ANO3: variants seen among roughly 807,000 people sequenced by gnomAD.
ANO3 encodes the protein anoctamin-3.
ANO3 carries 99 observed loss-of-function variants against 144.8 expected under a neutral mutation model. That is an observed-to-expected ratio of 0.68 (90% CI 0.58 to 0.81). The LOEUF (loss-of-function observed/expected upper bound fraction) is 0.81. Among genes scored for constraint, ANO3 ranks in the 30% least tolerant of loss-of-function variants. ANO3 has a pLI of 0.00. For missense variants in ANO3, 905 were observed against 1,202.2 expected, an observed-to-expected ratio of 0.75 and a Z score of 3.66; for synonymous variants, 414 against 392.6, an observed-to-expected ratio of 1.05 and a Z score of -0.64.
intron 1 of ANO3, among the ~76,000 whole-genome samples, chr11:26,260,802 G>C (rs76327802): frequency 0.02 from 3,015 of 152,164 alleles, 63 homozygotes; most frequent in East Asian, 0.12. Flanking sequence ...TTAATGCATA[G>C]AACGTACAGA....
At chr11:26,580,278 A>C (rs1345459419) in intron 14 of ANO3, among the ~76,000 whole-genome samples, 1 of 152,136 alleles carries the variant, frequency 6.6e-6, no homozygotes, top group Non-Finnish European at 1.5e-5. Context: ...GGAATATAAA[A>C]GTAATTCAGT....
intron 3 of ANO3, among the ~76,000 whole-genome samples, chr11:26,460,439 G>A (rs1440082252): frequency 4.4e-5 from 3 of 68,332 alleles, no homozygotes; most frequent in Non-Finnish European, 7.0e-5. Context: ...GCGGGCGGGT[G>A]GAAGGAAAGA....
chr11:26,476,551 C>G (rs550976573), intron 4 of ANO3, among the ~76,000 whole-genome samples: 1 of 152,080 alleles, frequency 6.6e-6, no homozygotes, highest in East Asian at 1.9e-4. Context: ...CACAATGCTG[C>G]AGGGGTCTAT....
chr11:26,482,046 C>A (rs1860238630), intron 4 of ANO3, among the ~76,000 whole-genome samples: 1 of 151,830 alleles, frequency 6.6e-6, no homozygotes, highest in South Asian at 2.1e-4. Flanking sequence ...GCACATGCTA[C>A]CATGCCTTGC....
intron 1 of ANO3, among the ~76,000 whole-genome samples, chr11:26,354,415 C>G (rs1855723967): frequency 6.6e-6 from 1 of 152,104 alleles, no homozygotes; most frequent in Non-Finnish European, 1.5e-5. Context: ...ATTCTTTTCT[C>G]CAAGCACATC....
At chr11:26,370,226 T>G (rs538774003) in intron 1 of ANO3, among the ~76,000 whole-genome samples, 5 of 152,192 alleles carry the variant, frequency 3.3e-5, no homozygotes, top group Non-Finnish European at 7.3e-5. Context: ...ATAGTAAGTT[T>G]TAATGAGATC....
At chr11:26,615,834 C>T (rs1852244050) in intron 17 of ANO3, among the ~76,000 whole-genome samples, 1 of 152,054 alleles carries the variant, frequency 6.6e-6, no homozygotes, top group South Asian at 2.1e-4. Context: ...TTTGATCGTC[C>T]TAAATTCTTT....
rs555329510 is a variant in ANO3, at chr11:26,402,002, C to A, written c.47-39916C>A. ...CATTCTTTTTATGGTTACATAGTAT[C>A]CCATGGTGTATATGTAATGCATTTT... is the stretch of plus-strand genomic sequence containing the variant. On this transcript the variant is annotated intron_variant, in intron 1 of 26. Transcript: ENST00000256737. Among the ~76,000 whole-genome samples the A allele has an allele frequency of 2.0e-5, 3 of 152,056 alleles. No homozygotes were observed. In the East Asian group the frequency reaches 5.8e-4, roughly 29 times the overall value.
At chr11:26,634,080 C>CAAAAAA (rs10631901) in intron 18 of ANO3, 124 bp from the exon 19 acceptor site, 671 of 358,888 alleles carry the variant, frequency 1.9e-3, no homozygotes, top group Non-Finnish European at 2.5e-3. Flanking sequence ...ACTCCATTTC[C>CAAAAAA]AAAAAAAAAA....
chr11:26,600,305 TCTCCTCTCCTCTCCCCTCCCGTCTTCTC>T (rs1851759179), intron 17 of ANO3, among the ~76,000 whole-genome samples: 2 of 41,310 alleles, frequency 4.8e-5, no homozygotes, highest in Non-Finnish European at 9.1e-5. Context: ...TTTCCTCCCC[TCTCCTCTCCTCTCCCCTCCCGTCTTCTC>T]TCCCCTCTCC....
intron 14 of ANO3, among the ~76,000 whole-genome samples, chr11:26,588,641 C>A (rs1313966557): frequency 6.6e-6 from 1 of 152,164 alleles, no homozygotes; most frequent in Non-Finnish European, 1.5e-5. Context: ...AAGCATGTGA[C>A]AGACACATTT....
chr11:26,608,697 G>A (rs2132956798), intron 17 of ANO3, among the ~76,000 whole-genome samples: 1 of 152,254 alleles, frequency 6.6e-6, no homozygotes, highest in Admixed American at 6.5e-5. Context: ...ATGGGTCAGG[G>A]TAAGGCCTGA....
intron 13 of ANO3, among the ~76,000 whole-genome samples, chr11:26,558,522 C>T (rs1850157134): frequency 6.6e-6 from 1 of 151,996 alleles, no homozygotes; most frequent in Admixed American, 6.6e-5. Context: ...TATAAATGTA[C>T]ACTGATGATT....
chr11:26,561,859 C>G (rs1850307545), intron 14 of ANO3, among the ~76,000 whole-genome samples: 1 of 151,872 alleles, frequency 6.6e-6, no homozygotes, highest in African/African-American at 2.4e-5. Flanking sequence ...TGGACATGCT[C>G]TTGGTATCTT....
At chr11:26,444,726 T>C (rs1352303876) in intron 3 of ANO3, among the ~76,000 whole-genome samples, 1 of 152,220 alleles carries the variant, frequency 6.6e-6, no homozygotes, top group African/African-American at 2.4e-5. Flanking sequence ...TTGGTTTTTC[T>C]CTACAGGCAT....
At chr11:26,191,691 A>G (rs1238821459) in intron 1 of ANO3, among the ~76,000 whole-genome samples, 2 of 152,182 alleles carry the variant, frequency 1.3e-5, no homozygotes, top group African/African-American at 4.8e-5. Flanking sequence ...CTCTTTAATC[A>G]CTGATAATAT....
upstream of ANO3, among the ~76,000 whole-genome samples, chr11:26,329,149 A>C (rs543846702): frequency 1.6e-4 from 24 of 152,304 alleles, no homozygotes; most frequent in African/African-American, 5.5e-4. Flanking sequence ...GCTACTTGCT[A>C]TCCATTCTTA....
chr11:26,443,182 A>G (rs1858583497), intron 2 of ANO3, among the ~76,000 whole-genome samples: 1 of 152,242 alleles, frequency 6.6e-6, no homozygotes, highest in African/African-American at 2.4e-5. Flanking sequence ...TTGTTTCAAT[A>G]CTATTGTGAA....
intron 1 of ANO3, among the ~76,000 whole-genome samples, chr11:26,408,089 A>G: frequency 6.6e-6 from 1 of 152,068 alleles, no homozygotes; most frequent in South Asian, 2.1e-4. Flanking sequence ...CTAAAACACC[A>G]AAAGCAATGG....
Sources: allele counts gnomAD v4.1 joint callset (sites outside exome capture counted in the v4.1 genomes callset), GRCh38; gene constraint gnomAD v4.1.1; transcripts MANE v1.5; gene names NCBI Gene and HGNC (gene_info 2026-07-23, HGNC 2026-07-21).